ASIC2: variants seen among roughly 807,000 people sequenced by gnomAD.
The protein encoded by ASIC2 is acid sensing ion channel subunit 2, also known as acid-sensing ion channel 2.
ASIC2 carries 25 observed loss-of-function variants against 57.3 expected under a neutral mutation model. That is an observed-to-expected ratio of 0.44 (90% CI 0.32 to 0.61). The LOEUF (loss-of-function observed/expected upper bound fraction) is 0.61, where lower values mean the gene tolerates loss of function less well. Among genes scored for constraint, ASIC2 ranks in the 20% least tolerant of loss-of-function variants. The pLI, the probability that ASIC2 is intolerant of heterozygous loss-of-function variation, is 0.06. For synonymous variants in ASIC2, 319 were observed against 307.5 expected (o/e 1.04, Z -0.39); for missense variants, 641 against 738.1 (o/e 0.87, Z 1.52).
intron 1 of ASIC2, among the ~76,000 whole-genome samples, chr17:33,798,336 A>ATTT (rs1911980583): frequency 6.6e-6 from 1 of 152,140 alleles, no homozygotes; most frequent in Non-Finnish European, 1.5e-5. Flanking sequence ...AGGGTAGAGA[A>ATTT]TGTCTAAGAC....
chr17:33,586,777 G>A (rs994478826), intron 1 of ASIC2, among the ~76,000 whole-genome samples: 10 of 152,048 alleles, frequency 6.6e-5, no homozygotes, highest in South Asian at 2.1e-4. Flanking sequence ...CACTCTGCTC[G>A]ACCTCAAAAT....
At chr17:33,332,927 T>C (rs1434139201) in intron 1 of ASIC2, among the ~76,000 whole-genome samples, 3 of 152,118 alleles carry the variant, frequency 2.0e-5, no homozygotes, top group Non-Finnish European at 2.9e-5. Flanking sequence ...AAGTCTCAGA[T>C]TCATACAGAA....
intron 1 of ASIC2, among the ~76,000 whole-genome samples, chr17:34,056,628 ATAAC>A (rs1384915694): frequency 1.1e-4 from 17 of 152,318 alleles, no homozygotes; most frequent in South Asian, 2.1e-4. Flanking sequence ...TTGCTGTGGA[ATAAC>A]TAACTAATTA....
chr17:33,327,004 C>G (rs1047087757), intron 1 of ASIC2, among the ~76,000 whole-genome samples: 1 of 152,176 alleles, frequency 6.6e-6, no homozygotes, highest in Non-Finnish European at 1.5e-5. Context: ...TATAAGAAAG[C>G]CTAGACCTCT....
At chr17:33,583,094 C>T (rs1045135398) in intron 1 of ASIC2, among the ~76,000 whole-genome samples, 2 of 152,190 alleles carry the variant, frequency 1.3e-5, no homozygotes, top group Admixed American at 6.5e-5. Context: ...AGTCCAGCAG[C>T]GGCTTGGTCT....
chr17:34,039,627 A>G lies in ASIC2; in HGVS notation c.555+116351T>C, dbSNP rs1160184624. ...CAAACTCAAAGTAATCACTAATTTT[A>G]TGTCCCCTAGGAGTGCCTTTCCCTT... On this transcript the variant is annotated intron_variant, in intron 1 of 9. Coordinates refer to the ASIC2 transcript ENST00000359872. 6.6e-5 allele frequency: 107 copies of G among 1,613,370 alleles called. 1 individual carries two copies. In the Middle Eastern group the frequency reaches 1.2e-3, roughly 17 times the overall value.
rs74925530 is a variant in ASIC2, at chr17:34,053,014, A to G, written c.555+102964T>C. ...CCAATTTTATACTTAGTTCTCATGC[A>G]CCAGACCTAGGCTTGGAGGGATAAA... On this transcript the variant is annotated intron_variant, in intron 1 of 9. Transcript: ENST00000359872. Among the ~76,000 whole-genome samples, 360 of 151,810 alleles carry G rather than the reference A, an allele frequency of 2.4e-3. 2 individuals carry two copies. The highest frequency in any genetic ancestry group is 8.1e-3 in the African/African-American group (333 of 41,354).
intron 1 of ASIC2, among the ~76,000 whole-genome samples, chr17:34,011,034 CA>C (rs1906713141): frequency 3.6e-4 from 1 of 2,786 alleles, no homozygotes; most frequent in African/African-American, 6.2e-4. Context: ...CAGACACATG[CA>C]CACACACACA....
intron 1 of ASIC2, among the ~76,000 whole-genome samples, chr17:33,383,734 T>A (rs1487334124): frequency 1.3e-5 from 2 of 152,350 alleles, no homozygotes; most frequent in Non-Finnish European, 2.9e-5. Flanking sequence ...GAGCTTTTGC[T>A]CATCACATTT....
chr17:33,530,302 T>C (rs1230780163), intron 1 of ASIC2: 1 of 152,240 alleles, frequency 6.6e-6, no homozygotes, highest in African/African-American at 2.4e-5. Flanking sequence ...CTAATTAAAC[T>C]GGGAGCTTCT....
At chr17:33,521,565 G>T (rs537058658) in intron 1 of ASIC2, among the ~76,000 whole-genome samples, 2 of 152,308 alleles carry the variant, frequency 1.3e-5, no homozygotes, top group South Asian at 4.1e-4. Flanking sequence ...AGCCCAGCTG[G>T]GGTCCCGTGA....
intron 1 of ASIC2, among the ~76,000 whole-genome samples, chr17:33,176,559 G>A (rs1025075573): frequency 6.6e-6 from 1 of 152,144 alleles, no homozygotes; most frequent in Non-Finnish European, 1.5e-5. Context: ...CCAGGCTGGG[G>A]TCTTGAATTT....
At chr17:33,709,098 A>G (rs1908948462) in intron 1 of ASIC2, among the ~76,000 whole-genome samples, 1 of 152,222 alleles carries the variant, frequency 6.6e-6, no homozygotes, top group South Asian at 2.1e-4. Context: ...TAAACCCTAC[A>G]TCTTTCTGGG....
At position 33,460,486 on chromosome 17, in the gene ASIC2, C is replaced by G. The variant is rs557376713; in HGVS notation, c.556-348419G>C. On this transcript the variant is annotated intron_variant, in intron 1 of 9. Transcript: ENST00000359872. Reference sequence around the variant, plus strand: ...AGAACAAGGGCTGGCTCTGCCATGACAAAGTGAACTTCTGGAAGAAGCCGT... The same window carrying G: ...AGAACAAGGGCTGGCTCTGCCATGAGAAAGTGAACTTCTGGAAGAAGCCGT... 2.6e-5 allele frequency among the ~76,000 whole-genome samples: 4 copies of G among 152,300 alleles called. No homozygotes were observed. The East Asian group carries it at 7.7e-4, about 29-fold the overall frequency.
chr17:33,254,561 C>G (rs760365561), intron 1 of ASIC2, among the ~76,000 whole-genome samples: 14 of 152,064 alleles, frequency 9.2e-5, no homozygotes, highest in Non-Finnish European at 1.9e-4. Context: ...CAGTTTTTGC[C>G]CATAGCCTGG....
At chr17:33,741,852 G>A (rs989720748) in intron 1 of ASIC2, among the ~76,000 whole-genome samples, 2 of 152,194 alleles carry the variant, frequency 1.3e-5, no homozygotes, top group South Asian at 2.1e-4. Flanking sequence ...CCCTGCCAGA[G>A]TTTGGAACAG....
chr17:33,134,822 G>T (rs1197953876), intron 1 of ASIC2, among the ~76,000 whole-genome samples: 2 of 149,616 alleles, frequency 1.3e-5, no homozygotes, highest in Admixed American at 1.3e-4. Flanking sequence ...CTGCCCCAAA[G>T]GTTGCTCCAC....
rs145832094 is a variant in ASIC2 at position 33,164,760 on chromosome 17, C to T, written c.709-52693G>A. Among the ~76,000 whole-genome samples the T allele has an allele frequency of 3.2e-3, 480 of 152,238 alleles. 3 individuals carry two copies. The highest frequency in any genetic ancestry group is 3.5e-3 in the Non-Finnish European group (238 of 68,016). On this transcript the variant is annotated intron_variant, in intron 1 of 9. Coordinates refer to ENST00000225823, the MANE Select transcript of ASIC2 (RefSeq NM_183377.2). The stretch of plus-strand genomic sequence containing the variant: ...AGTCAGGCCCTGTCCTGGAACTGCC[C>T]GTGGGTGATCTTCCAAGGCAAAGGA...
intron 1 of ASIC2, among the ~76,000 whole-genome samples, chr17:33,387,343 G>A (rs1307380528): frequency 1.3e-5 from 2 of 152,262 alleles, no homozygotes; most frequent in Non-Finnish European, 1.5e-5. Context: ...TGCGGAACAA[G>A]CCAAGTGCTA....
Sources: gnomAD v4.1 joint callset for allele counts (sites outside exome capture counted in the v4.1 genomes callset) on GRCh38, gnomAD v4.1.1 for gene constraint, MANE v1.5 for transcripts, NCBI Gene and HGNC (gene_info 2026-07-23, HGNC 2026-07-21) for gene names.